COL18A1: variants seen among roughly 807,000 people sequenced by gnomAD.
COL18A1 encodes the protein collagen type XVIII alpha 1 chain.
A neutral mutation model predicts 168.0 loss-of-function variants in COL18A1; 133 were observed. The observed-to-expected ratio is 0.79, with a 90% CI of 0.69 to 0.91. The LOEUF (loss-of-function observed/expected upper bound fraction) is 0.91. COL18A1 is among the 40% of genes least tolerant of loss of function. COL18A1 has a pLI of 0.00. For missense variants in COL18A1, 2,126 were observed against 1,925.4 expected (o/e 1.10, Z -1.95); for synonymous variants, 949 against 809.0 (o/e 1.17, Z -2.94).
At position 45,512,524 on chromosome 21, in the gene COL18A1, C is replaced by T. The variant is rs571271547; in HGVS notation, c.*126C>T. The T allele has an allele frequency of 5.5e-4, 449 of 818,424 alleles. 1 individual carries two copies. Among genetic ancestry groups the T allele is most frequent in the South Asian group, 3.4e-3 (220 of 64,386 alleles). 50.7% of individuals were successfully genotyped at this position (818,424 alleles called of 1,614,324 possible). A position where few individuals can be genotyped will look rare whatever the true frequency, so the allele number is the denominator to read the frequency against. ...CTGCCATACTTTCCTGTATAGTTCA[C>T]GTTTCATGTAATCCTCAAGAAATAA... On this transcript the variant is annotated 3_prime_UTR_variant, in exon 42 of 42. Coordinates refer to ENST00000651438, the MANE Select transcript of COL18A1 (RefSeq NM_001379500.1).
At position 45,471,504 on chromosome 21, in the gene COL18A1, G is replaced by A. The variant is rs902572269; in HGVS notation, c.652-2391G>A. Among the ~76,000 whole-genome samples, 1 of 152,150 alleles carries A rather than the reference G, an allele frequency of 6.6e-6. No homozygotes were observed. The highest frequency in any genetic ancestry group is 1.5e-5 in the Non-Finnish European group (1 of 68,020). ...CTCAGCCTCTCCACAAGACTGCATC[G>A]ACCCTGGCGCTGCCACAGATGGTGC... On this transcript the variant is annotated intron_variant, in intron 3 of 41. Transcript: ENST00000651438. This position sits in a 1 kb window ranked among gnomAD's most constrained non-coding sequence, Gnocchi z 4.4.
chr21:45,414,813 G>A (rs534609744), intron 2 of COL18A1, among the ~76,000 whole-genome samples: 4 of 152,308 alleles, frequency 2.6e-5, no homozygotes, highest in East Asian at 1.9e-4. Context: ...TGACCACCCC[G>A]GCCTGTGGGA....
intron 2 of COL18A1, among the ~76,000 whole-genome samples, chr21:45,405,758 G>T (rs1484341331): frequency 1.3e-5 from 2 of 151,176 alleles, no homozygotes; most frequent in Non-Finnish European, 3.0e-5. Flanking sequence ...GGGGTCGTCG[G>T]TGCCGGGAGG....
chr21:45,506,143 G>A (rs1017967741), intron 37 of COL18A1, 177 bp downstream of exon 37: 18 of 948,946 alleles, frequency 1.9e-5, no homozygotes, highest in Non-Finnish European at 2.9e-5. Flanking sequence ...GAGCAGTTTT[G>A]GGTTTAAAGA....
chr21:45,456,464 G>C, intron 2 of COL18A1: 3 of 1,545,356 alleles, frequency 1.9e-6, no homozygotes, highest in Non-Finnish European at 2.6e-6. Context: ...GGCTAACTCT[G>C]TGGGGCCGGG....
At position 45,507,581 on chromosome 21, in the gene COL18A1, CCCA is replaced by C; in HGVS notation, c.3239_3241del (p.Pro1080del). On this transcript the variant is annotated inframe_deletion, in exon 38 of 42. Transcript: ENST00000651438. ...TCCAGCTGGAGGCCCGGACACCACT[CCCA>C]CGAGGGACGGTAAGGAGCCTTTTTT... 1 of 1,613,086 alleles carries C rather than the reference CCCA, an allele frequency of 6.2e-7. No homozygotes were observed. The highest frequency in any genetic ancestry group is 8.5e-7 in the Non-Finnish European group (1 of 1,179,902).
Position 45,511,088 on chromosome 21 carries a change from C to CAA in COL18A1, c.3694-22_3694-21insAA, listed in dbSNP as rs1555876762. 6.7e-6 allele frequency: 7 copies of CAA among 1,045,888 alleles called. 1 individual carries two copies. Among genetic ancestry groups the CAA allele is most frequent in the Non-Finnish European group, 9.4e-6 (7 of 743,126 alleles). 64.8% of individuals were successfully genotyped at this position (1,045,888 alleles called of 1,614,324 possible). A position where few individuals can be genotyped will look rare whatever the true frequency, so the allele number is the denominator to read the frequency against. On this transcript the variant is annotated intron_variant, in intron 40 of 41. Coordinates refer to ENST00000651438, the MANE Select transcript of COL18A1 (RefSeq NM_001379500.1). ...TCCACACCCCCACACACCACACACA[C>CAA]ATACACACGGTTTCTCTTCCAGGAC...
intron 26 of COL18A1, 134 bp from the exon 27 acceptor site, chr21:45,494,411 G>T (rs1287109596): frequency 7.8e-7 from 1 of 1,289,404 alleles, no homozygotes; most frequent in East Asian, 2.4e-5. Context: ...AGGGACCACA[G>T]CGGCCCTTAG....
chr21:45,437,136 C>CT (rs1247607073), intron 2 of COL18A1, among the ~76,000 whole-genome samples: 13 of 96,068 alleles, frequency 1.4e-4, no homozygotes, highest in African/African-American at 8.2e-4. Flanking sequence ...CACAGGCACT[C>CT]TCCACACACA....
rs1326947046 is a variant in COL18A1, at chr21:45,498,291, C to T, written c.2683+630C>T. 7.1e-6 allele frequency: 5 copies of T among 706,068 alleles called. No individual in the cohort carries two copies. The Admixed American group carries it at 8.0e-5, about 11-fold the overall frequency. The allele number at this position is 706,068 out of a possible 1,614,324, so 43.7% of individuals were successfully genotyped here. On this transcript the variant is annotated intron_variant, in intron 32 of 41. Coordinates refer to ENST00000651438, the MANE Select transcript of COL18A1 (RefSeq NM_001379500.1). The surrounding 1 kb of genome is among the most constrained non-coding windows in gnomAD (Gnocchi z 4.5). The stretch of plus-strand genomic sequence containing the variant: ...GGCTAGCCTCGGGCGCCTTTCACCA[C>T]CAGGGTCCCCTCTCGCCGCCACGGT...
rs74381133 is a variant in COL18A1 at position 45,465,209 on chromosome 21, G to A, written c.107-3033G>A. Among the ~76,000 whole-genome samples, 11 of 152,294 alleles carry A rather than the reference G, an allele frequency of 7.2e-5. No homozygotes were observed. The East Asian group carries it at 1.9e-3, about 27-fold the overall frequency. The stretch of plus-strand genomic sequence containing the variant: ...CTCAGCCCCGACTGGCGGGTTCATC[G>A]CACAGCCTCGCCTTTGTTTATCAGA... On this transcript the variant is annotated intron_variant, in intron 2 of 41. Transcript: ENST00000651438.
intron 36 of COL18A1, 44 bp downstream of exon 36, chr21:45,505,475 T>G (rs750434377): frequency 1.2e-5 from 12 of 1,013,564 alleles, no homozygotes; most frequent in South Asian, 5.4e-5. Context: ...TCCCGTGCCC[T>G]GGCTGGTTCT....
chr21:45,485,149 A>ATT (rs751718038), intron 15 of COL18A1, among the ~76,000 whole-genome samples: 880 of 55,078 alleles, frequency 0.016, 74 homozygotes, highest in African/African-American at 0.037. Flanking sequence ...CACCTGGCTA[A>ATT]TTTTTTTTTT....
At chr21:45,454,681 C>T (rs1290627333) in intron 2 of COL18A1, among the ~76,000 whole-genome samples, 1 of 152,228 alleles carries the variant, frequency 6.6e-6, no homozygotes, top group Non-Finnish European at 1.5e-5. Flanking sequence ...ATAAGGCACA[C>T]TCAGCACCCA....
intron 41 of COL18A1, 122 bp downstream of exon 41, chr21:45,511,348 T>G: frequency 1.5e-6 from 1 of 689,236 alleles, no homozygotes; most frequent in South Asian, 1.5e-5. Context: ...CTCATTACTT[T>G]AAAATTACAA....
At chr21:45,482,846 C>T (rs754820400) in intron 15 of COL18A1, 25 bp downstream of exon 15, 1 of 1,614,144 alleles carries the variant, frequency 6.2e-7, no homozygotes, top group Admixed American at 1.7e-5. Flanking sequence ...CCTGGCACAT[C>T]AGTCCCCTGC....
At chr21:45,411,847 A>G (rs2033307869) in intron 2 of COL18A1, among the ~76,000 whole-genome samples, 1 of 151,116 alleles carries the variant, frequency 6.6e-6, no homozygotes, top group South Asian at 2.1e-4. Context: ...ATTTACACAC[A>G]GCTCTGCGGC....
chr21:45,453,838 G>C (rs1037460646), intron 2 of COL18A1, among the ~76,000 whole-genome samples: 1 of 152,206 alleles, frequency 6.6e-6, no homozygotes, highest in Non-Finnish European at 1.5e-5. Context: ...AGTTCCTTGT[G>C]CCTGGCTCTG....
intron 32 of COL18A1, among the ~76,000 whole-genome samples, chr21:45,503,674 A>C (rs965792907): frequency 6.6e-6 from 1 of 150,534 alleles, no homozygotes. Flanking sequence ...ATTGGGAGAT[A>C]TACCTAATGC....
Sources: gnomAD v4.1 joint callset for allele counts (sites outside exome capture counted in the v4.1 genomes callset) on GRCh38, gnomAD v4.1.1 for gene constraint, Gnocchi (gnomAD v3.1) non-coding constraint, MANE v1.5 for transcripts, NCBI Gene and HGNC (gene_info 2026-07-23, HGNC 2026-07-21) for gene names.